The following ABCC4 variants were observed in gnomAD, a reference collection of about 807,000 sequenced individuals.
The protein encoded by ABCC4 is ATP-binding cassette sub-family C member 4.
ABCC4 carries 102 observed loss-of-function variants against 168.5 expected under a neutral mutation model. The observed-to-expected ratio is 0.61, with a 90% CI of 0.52 to 0.71. The LOEUF is 0.71. Among genes scored for constraint, ABCC4 ranks in the 30% least tolerant of loss-of-function variants. The probability of loss-of-function intolerance (pLI) is 0.00; values close to 1 mark genes in which losing one functional copy is unlikely to be tolerated. For missense variants in ABCC4, 1,402 were observed against 1,605.8 expected, an observed-to-expected ratio of 0.87 and a Z score of 2.17; for synonymous variants, 617 against 590.7, an observed-to-expected ratio of 1.04 and a Z score of -0.65.
intron 4 of ABCC4, among the ~76,000 whole-genome samples, chr13:95,231,148 A>G (rs559853957): frequency 4.3e-4 from 66 of 152,300 alleles, no homozygotes; most frequent in African/African-American, 1.2e-3. Flanking sequence ...ACCAGTGCCT[A>G]ATGGGTACAG....
intron 1 of ABCC4, among the ~76,000 whole-genome samples, chr13:95,289,485 A>G (rs1224908579): frequency 6.6e-6 from 1 of 152,196 alleles, no homozygotes; most frequent in Non-Finnish European, 1.5e-5. Context: ...TATGTAACAC[A>G]AGAGCAGAGC....
At chr13:95,051,293 A>G (rs561074126) in intron 27 of ABCC4, among the ~76,000 whole-genome samples, 2 of 152,388 alleles carry the variant, frequency 1.3e-5, no homozygotes, top group African/African-American at 4.8e-5. Context: ...ACTTGCTCAC[A>G]GTCAAAACCC....
chr13:95,142,812 C>T (rs1231006428), intron 19 of ABCC4, among the ~76,000 whole-genome samples: 5 of 152,058 alleles, frequency 3.3e-5, no homozygotes, highest in Non-Finnish European at 5.9e-5. Context: ...ATTTATGAAA[C>T]GCTATTTTCC....
intron 8 of ABCC4, among the ~76,000 whole-genome samples, chr13:95,206,211 A>C (rs866558223): frequency 6.6e-6 from 1 of 152,216 alleles, no homozygotes; most frequent in Admixed American, 6.5e-5. Context: ...TGGTGTTAAC[A>C]TAAGAGATGA....
intron 9 of ABCC4, among the ~76,000 whole-genome samples, chr13:95,189,713 C>T (rs909060273): frequency 6.6e-6 from 1 of 152,132 alleles, no homozygotes; most frequent in African/African-American, 2.4e-5. Flanking sequence ...TAACCAAGAG[C>T]TCTAATTTAA....
chr13:95,269,011 G>A (rs1240986278), intron 1 of ABCC4, among the ~76,000 whole-genome samples: 1 of 152,140 alleles, frequency 6.6e-6, no homozygotes, highest in Non-Finnish European at 1.5e-5. Context: ...TCACTAATAG[G>A]CTAGGAAGTG....
At position 95,020,284 on chromosome 13, in the gene ABCC4, T is replaced by C. The variant is rs2031020877; in HGVS notation, c.*1291A>G. Reference sequence around the variant, plus strand: ...ACAAACAAATGCACACGTGTGCATGTCTATATACATATATGCAATTTCAGG... The same window carrying C: ...ACAAACAAATGCACACGTGTGCATGCCTATATACATATATGCAATTTCAGG... On this transcript the variant is annotated 3_prime_UTR_variant, in exon 31 of 31. Transcript: ENST00000645237. 1 of 152,272 alleles carries C rather than the reference T, an allele frequency of 6.6e-6. No individual in the cohort carries two copies. The highest frequency in any genetic ancestry group is 1.9e-4 in the East Asian group (1 of 5,198). The allele number at this position is 152,272 out of a possible 1,614,324, so 9.4% of individuals were successfully genotyped here. A position where few individuals can be genotyped will look rare whatever the true frequency, so the allele number is the denominator to read the frequency against.
At chr13:95,160,253 T>TAGTC (rs893014742) in intron 19 of ABCC4, among the ~76,000 whole-genome samples, 8 of 152,168 alleles carry the variant, frequency 5.3e-5, no homozygotes, top group Non-Finnish European at 1.5e-5. Context: ...GTCAAAAAGC[T>TAGTC]AGTCAATGGC....
At chr13:95,027,731 A>T (rs567350001) in intron 30 of ABCC4, among the ~76,000 whole-genome samples, 3 of 152,342 alleles carry the variant, frequency 2.0e-5, no homozygotes, top group African/African-American at 7.2e-5. Flanking sequence ...AAAGGAACAC[A>T]TGCAAAACAA....
chr13:95,144,406 C>G (rs2036419842), intron 19 of ABCC4, among the ~76,000 whole-genome samples: 1 of 152,092 alleles, frequency 6.6e-6, no homozygotes, highest in South Asian at 2.1e-4. Context: ...CCAGAACAAT[C>G]AAGCAAGAAA....
intron 1 of ABCC4, 144 bp from the exon 2 acceptor site, chr13:95,247,897 G>T (rs552722603): frequency 6.0e-5 from 25 of 415,656 alleles, no homozygotes; most frequent in Non-Finnish European, 9.9e-5. Context: ...TATAGAGCTA[G>T]AGAGAGAAAA....
intron 1 of ABCC4, among the ~76,000 whole-genome samples, chr13:95,271,789 G>A (rs183115987): frequency 2.4e-4 from 36 of 152,266 alleles, no homozygotes; most frequent in Admixed American, 1.2e-3. Flanking sequence ...AAACTGGAAG[G>A]AGACAAGCAG....
chr13:95,138,315 G>C (rs2036204086), intron 19 of ABCC4, among the ~76,000 whole-genome samples: 1 of 152,152 alleles, frequency 6.6e-6, no homozygotes, highest in Admixed American at 6.6e-5. Context: ...TAATTTTCTG[G>C]ATTACAGAGA....
At chr13:95,223,638 A>C (rs2039368239) in intron 4 of ABCC4, among the ~76,000 whole-genome samples, 1 of 152,138 alleles carries the variant, frequency 6.6e-6, no homozygotes, top group Non-Finnish European at 1.5e-5. Context: ...AGTAACTGGG[A>C]TTACAGGCGT....
chr13:95,043,089 C>T (rs1168331838), intron 29 of ABCC4, among the ~76,000 whole-genome samples: 1 of 152,150 alleles, frequency 6.6e-6, no homozygotes, highest in Non-Finnish European at 1.5e-5. Flanking sequence ...AAAATTATCA[C>T]TGTTTCCCTT....
intron 14 of ABCC4, among the ~76,000 whole-genome samples, chr13:95,167,204 A>AC (rs1361704095): frequency 1.3e-5 from 2 of 151,546 alleles, no homozygotes; most frequent in African/African-American, 4.8e-5. Context: ...ATAAATAAAT[A>AC]AATAAATAAA....
chr13:95,138,446 T>C (rs1293753141), intron 19 of ABCC4, among the ~76,000 whole-genome samples: 1 of 152,170 alleles, frequency 6.6e-6, no homozygotes, highest in Non-Finnish European at 1.5e-5. Flanking sequence ...AGAATCAAAA[T>C]GGCCACAAAC....
chr13:95,058,686 C>T (rs2950957), intron 26 of ABCC4, among the ~76,000 whole-genome samples: 135,564 of 152,004 alleles, frequency 0.89, 60,995 homozygotes, highest in Non-Finnish European at 0.95. Context: ...AAAAATTGAG[C>T]TGGATAGTTC....
chr13:95,219,916 C>T (rs893622362), intron 4 of ABCC4, among the ~76,000 whole-genome samples: 1 of 150,332 alleles, frequency 6.7e-6, no homozygotes, highest in Admixed American at 6.7e-5. Flanking sequence ...AGTGCAATGG[C>T]ATGATCTTGG....
Sources: allele counts gnomAD v4.1 joint callset (sites outside exome capture counted in the v4.1 genomes callset), GRCh38; gene constraint gnomAD v4.1.1; transcripts MANE v1.5; gene names NCBI Gene and HGNC (gene_info 2026-07-23, HGNC 2026-07-21).